ADAMTS12: variants seen among roughly 807,000 people sequenced by gnomAD.
ADAMTS12 encodes A disintegrin and metalloproteinase with thrombospondin motifs 12.
In ADAMTS12, 118 loss-of-function variants were observed where a neutral mutation model predicts 167.8. That is an observed-to-expected ratio of 0.70 (90% CI 0.61 to 0.82). The LOEUF is 0.82. ADAMTS12 is among the 40% of genes least tolerant of loss of function. The probability of loss-of-function intolerance (pLI) is 0.00; values close to 1 mark genes in which losing one functional copy is unlikely to be tolerated. For missense variants in ADAMTS12, 1,916 were observed against 1,998.8 expected (o/e 0.96, Z 0.79); for synonymous variants, 704 against 716.9 (o/e 0.98, Z 0.29).
At chr5:33,601,106 AGTGTGTGT>A (rs55841502) in intron 16 of ADAMTS12, among the ~76,000 whole-genome samples, 39 of 145,922 alleles carry the variant, frequency 2.7e-4, no homozygotes, top group African/African-American at 7.3e-4. Flanking sequence ...CACATTTAAG[AGTGTGTGT>A]GTGTGTGTGT....
chr5:33,761,537 G>A (rs939683857), intron 2 of ADAMTS12, among the ~76,000 whole-genome samples: 2 of 152,208 alleles, frequency 1.3e-5, no homozygotes, highest in Admixed American at 6.5e-5. Context: ...AGGAGGTCGA[G>A]TGAGATGTTA....
intron 2 of ADAMTS12, among the ~76,000 whole-genome samples, chr5:33,868,830 G>A (rs1198534056): frequency 6.6e-6 from 1 of 152,172 alleles, no homozygotes; most frequent in Non-Finnish European, 1.5e-5. Context: ...TATTTTATGT[G>A]TAGCCCAAGA....
chr5:33,836,996 G>A (rs78445327), intron 2 of ADAMTS12, among the ~76,000 whole-genome samples: 2 of 152,058 alleles, frequency 1.3e-5, no homozygotes, highest in African/African-American at 2.4e-5. Context: ...CAATCTTCCT[G>A]CCTGGGCCTT....
chr5:33,825,690 A>G (rs1748039356), intron 2 of ADAMTS12, among the ~76,000 whole-genome samples: 1 of 152,228 alleles, frequency 6.6e-6, no homozygotes, highest in African/African-American at 2.4e-5. Flanking sequence ...TTCCAGTGAT[A>G]ATTCTAAAAT....
chr5:33,579,291 G>A (rs1475273047), intron 18 of ADAMTS12, among the ~76,000 whole-genome samples: 2 of 152,270 alleles, frequency 1.3e-5, no homozygotes, highest in South Asian at 2.1e-4. Context: ...ACATTTCCAT[G>A]CTGGCTGCCT....
At chr5:33,731,413 G>A (rs561386404) in intron 3 of ADAMTS12, among the ~76,000 whole-genome samples, 6 of 152,246 alleles carry the variant, frequency 3.9e-5, no homozygotes, top group South Asian at 4.2e-4. Context: ...CACAGCACAG[G>A]AGGCTCTCCT....
At chr5:33,852,740 A>G (rs1237413902) in intron 2 of ADAMTS12, among the ~76,000 whole-genome samples, 1 of 152,214 alleles carries the variant, frequency 6.6e-6, no homozygotes, top group Non-Finnish European at 1.5e-5. Flanking sequence ...AAGCAAATCC[A>G]GCAACATACA....
At chr5:33,599,651 C>T (rs2112045691) in intron 16 of ADAMTS12, among the ~76,000 whole-genome samples, 1 of 152,268 alleles carries the variant, frequency 6.6e-6, no homozygotes, top group Non-Finnish European at 1.5e-5. Context: ...CTACCCATAC[C>T]TTTGAAAGTA....
intron 2 of ADAMTS12, among the ~76,000 whole-genome samples, chr5:33,875,346 C>T (rs1750189863): frequency 6.6e-6 from 1 of 152,062 alleles, no homozygotes; most frequent in South Asian, 2.1e-4. Context: ...AATGATGTGT[C>T]AACATATATT....
chr5:33,579,323 G>C (rs887142357), intron 18 of ADAMTS12, among the ~76,000 whole-genome samples: 11 of 152,248 alleles, frequency 7.2e-5, no homozygotes, highest in African/African-American at 2.7e-4. Context: ...AGTCTTGAGA[G>C]CTGACTGATA....
chr5:33,552,870 C>T (rs1319076070), intron 20 of ADAMTS12, among the ~76,000 whole-genome samples: 1 of 152,146 alleles, frequency 6.6e-6, no homozygotes, highest in South Asian at 2.1e-4. Context: ...ATCTATTAAA[C>T]TAAAGAGCTC....
At chr5:33,872,780 A>G (rs1750089017) in intron 2 of ADAMTS12, among the ~76,000 whole-genome samples, 1 of 152,192 alleles carries the variant, frequency 6.6e-6, no homozygotes, top group South Asian at 2.1e-4. Context: ...CAGGTATTCA[A>G]GGCTAGTTCA....
chr5:33,630,701 A>G, intron 13 of ADAMTS12, 79 bp downstream of exon 13: 2 of 1,499,054 alleles, frequency 1.3e-6, no homozygotes, highest in Non-Finnish European at 1.8e-6. Flanking sequence ...TGAAAGCACA[A>G]ACCTAGAACA....
At chr5:33,610,637 A>T (rs187177709) in intron 16 of ADAMTS12, among the ~76,000 whole-genome samples, 1 of 152,348 alleles carries the variant, frequency 6.6e-6, no homozygotes, top group Admixed American at 6.5e-5. Context: ...AAGAAGCCCA[A>T]ATACGGAGGT....
chr5:33,886,373 G>A (rs1750636962), intron 1 of ADAMTS12, among the ~76,000 whole-genome samples: 1 of 152,180 alleles, frequency 6.6e-6, no homozygotes, highest in Non-Finnish European at 1.5e-5. Context: ...CAACAACCCT[G>A]TGATAGAGAT....
intron 3 of ADAMTS12, among the ~76,000 whole-genome samples, chr5:33,707,213 G>A (rs1004128468): frequency 2.6e-5 from 4 of 152,018 alleles, no homozygotes; most frequent in African/African-American, 9.7e-5. Context: ...CTGCTACAAA[G>A]AAAATAAAAT....
chr5:33,687,483 G>T (rs1403323212), intron 3 of ADAMTS12, among the ~76,000 whole-genome samples: 1 of 152,170 alleles, frequency 6.6e-6, no homozygotes, highest in East Asian at 1.9e-4. Flanking sequence ...AGGTTTTCTG[G>T]GCAAGGCCCA....
intron 20 of ADAMTS12, among the ~76,000 whole-genome samples, chr5:33,558,155 C>T (rs555651508): frequency 6.4e-4 from 98 of 152,036 alleles, no homozygotes; most frequent in South Asian, 1.7e-3. Context: ...AAAACCATTC[C>T]CCCAGTCCGT....
intron 16 of ADAMTS12, among the ~76,000 whole-genome samples, chr5:33,602,489 T>A (rs969184401): frequency 6.6e-6 from 1 of 152,216 alleles, no homozygotes; most frequent in African/African-American, 2.4e-5. Flanking sequence ...AAGTCCTACA[T>A]TATGACAGAT....
Sources: gnomAD v4.1 joint callset for allele counts (sites outside exome capture counted in the v4.1 genomes callset) on GRCh38, gnomAD v4.1.1 for gene constraint, MANE v1.5 for transcripts, NCBI Gene and HGNC (gene_info 2026-07-23, HGNC 2026-07-21) for gene names.